The following TFDP2 variants were observed in gnomAD, a reference collection of about 807,000 sequenced individuals.
The protein encoded by TFDP2 is transcription factor Dp-2.
Under a neutral mutation model 59.3 loss-of-function variants are expected in TFDP2, and 17 were observed. The observed-to-expected ratio is 0.29, with a 90% CI of 0.20 to 0.43. TFDP2 has a LOEUF of 0.43. TFDP2 is among the 20% of genes least tolerant of loss of function. The probability of loss-of-function intolerance (pLI) is 1.00; values close to 1 mark genes in which losing one functional copy is unlikely to be tolerated. For synonymous variants in TFDP2, 180 were observed against 194.7 expected, an observed-to-expected ratio of 0.92 and a Z score of 0.63; for missense variants, 391 against 528.8, an observed-to-expected ratio of 0.74 and a Z score of 2.56.
intron 11 of TFDP2, among the ~76,000 whole-genome samples, chr3:141,958,322 A>G (rs1378834758): frequency 6.6e-6 from 1 of 152,236 alleles, no homozygotes; most frequent in Non-Finnish European, 1.5e-5. Flanking sequence ...TGTATGAATT[A>G]TATCTATATT....
chr3:142,006,809 C>G (rs566818843), intron 3 of TFDP2, among the ~76,000 whole-genome samples: 9 of 151,876 alleles, frequency 5.9e-5, no homozygotes, highest in African/African-American at 2.2e-4. Flanking sequence ...GAGAGTCTTG[C>G]TCTGTCACCC....
chr3:142,026,738 T>G (rs1309954434), intron 3 of TFDP2, among the ~76,000 whole-genome samples: 5 of 152,208 alleles, frequency 3.3e-5, no homozygotes, highest in Admixed American at 6.5e-5. Context: ...TCATTATGAA[T>G]TCCAAAAATT....
intron 1 of TFDP2, among the ~76,000 whole-genome samples, chr3:142,128,216 C>T (rs1041542912): frequency 6.6e-6 from 1 of 152,046 alleles, no homozygotes; most frequent in East Asian, 1.9e-4. Flanking sequence ...GAAAGAAAGA[C>T]AGAAAATGCC....
At chr3:141,954,084 C>T (rs749584260) in intron 11 of TFDP2, among the ~76,000 whole-genome samples, 13 of 151,812 alleles carry the variant, frequency 8.6e-5, no homozygotes, top group Non-Finnish European at 1.8e-4. Flanking sequence ...CACTTGAACC[C>T]GGGAGGCGGA....
At chr3:141,957,273 C>T (rs1032032774) in intron 11 of TFDP2, among the ~76,000 whole-genome samples, 2 of 152,140 alleles carry the variant, frequency 1.3e-5, no homozygotes, top group South Asian at 2.1e-4. Flanking sequence ...AGCCAAATTA[C>T]GTCACCGCAC....
chr3:141,978,873 T>C (rs1941107104), intron 6 of TFDP2, among the ~76,000 whole-genome samples, 191 bp from the exon 7 acceptor site: 1 of 151,896 alleles, frequency 6.6e-6, no homozygotes, highest in Non-Finnish European at 1.5e-5. Context: ...AAGTATAAAG[T>C]TAGAGTGTTT....
chr3:142,064,697 G>A (rs2060020090), intron 3 of TFDP2, among the ~76,000 whole-genome samples: 1 of 152,114 alleles, frequency 6.6e-6, no homozygotes, highest in Non-Finnish European at 1.5e-5. Flanking sequence ...ATACACAAGT[G>A]TCACTGGATG....
chr3:141,959,545 TA>T (rs1250020225), intron 11 of TFDP2, 128 bp downstream of exon 11: 2 of 982,150 alleles, frequency 2.0e-6, no homozygotes, highest in African/African-American at 3.3e-5. Flanking sequence ...CCTAAAGTGT[TA>T]AAGGTTTCAG....
At chr3:141,969,922 G>T in intron 9 of TFDP2, 151 bp downstream of exon 9, 1 of 721,678 alleles carries the variant, frequency 1.4e-6, no homozygotes, top group Non-Finnish European at 2.5e-6. Flanking sequence ...CAGAGCACGT[G>T]GATGGCAACA....
Position 141,995,883 on chromosome 3 carries a change from CAAAAAAAAAAAA to C in TFDP2, c.187-754_187-743del, listed in dbSNP as rs146557075. Among the ~76,000 whole-genome samples the C allele has an allele frequency of 1.4e-3, 98 of 67,948 alleles. 1 individual carries two copies. The highest frequency in any genetic ancestry group is 4.0e-3 in the African/African-American group (79 of 19,776). The allele number at this position is 67,948 out of a possible 152,430, so 44.6% of individuals were successfully genotyped here. On this transcript the variant is annotated intron_variant, in intron 4 of 12. Coordinates refer to ENST00000489671, the MANE Select transcript of TFDP2 (RefSeq NM_001178139.2). ...GGGCAAAAAGAGCAAAACTCCATTT[CAAAAAAAAAAAA>C]AAAAAAAAAAAAGAGTATTCATGTT...
rs1346893968 is a variant in TFDP2 at position 141,968,536 on chromosome 3, A to T, written c.732+1537T>A. On this transcript the variant is annotated intron_variant, in intron 9 of 12. Transcript: ENST00000489671. ...ATATATCTCATATATATAGATATAT[A>T]TAACATATATATATCTCATATATAT... is the stretch of plus-strand genomic sequence containing the variant. Among the ~76,000 whole-genome samples the T allele has an allele frequency of 7.4e-4, 80 of 108,476 alleles. 3 individuals are homozygous for T. Among genetic ancestry groups the T allele is most frequent in the African/African-American group, 3.5e-3 (76 of 21,930 alleles). The allele number at this position is 108,476 out of a possible 152,430, so 71.2% of individuals were successfully genotyped here.
At chr3:142,076,053 T>C (rs952264697) in intron 3 of TFDP2, among the ~76,000 whole-genome samples, 3 of 150,634 alleles carry the variant, frequency 2.0e-5, no homozygotes, top group Non-Finnish European at 4.4e-5. Context: ...TTTACTAAAA[T>C]ACCAAAAATT....
rs1942090075 is a variant in TFDP2 at position 141,986,286 on chromosome 3, T to C, written c.356+7252A>G. On this transcript the variant is annotated intron_variant, in intron 6 of 12. Transcript: ENST00000489671. ...CTGAGTTTTTAAATGCAAATTTTCATTGACGTACATAACACATAAAGAAAA... is the reference window on the plus strand; with the variant it reads ...CTGAGTTTTTAAATGCAAATTTTCACTGACGTACATAACACATAAAGAAAA... 2.0e-5 allele frequency among the ~76,000 whole-genome samples: 3 copies of C among 152,236 alleles called. No homozygotes were observed. The South Asian group carries it at 6.2e-4, about 31-fold the overall frequency.
chr3:142,027,721 T>C (rs1395724929), intron 3 of TFDP2, among the ~76,000 whole-genome samples: 1 of 152,196 alleles, frequency 6.6e-6, no homozygotes, highest in East Asian at 1.9e-4. Flanking sequence ...AAGGGTATAA[T>C]TGAAATGATC....
chr3:142,117,276 C>T (rs1453577026), intron 1 of TFDP2, among the ~76,000 whole-genome samples: 1 of 152,110 alleles, frequency 6.6e-6, no homozygotes, highest in Admixed American at 6.6e-5. Flanking sequence ...TAATCTGACT[C>T]CAATTCTCCT....
At chr3:141,981,540 T>C (rs1452267531) in intron 6 of TFDP2, among the ~76,000 whole-genome samples, 2 of 152,218 alleles carry the variant, frequency 1.3e-5, no homozygotes, top group Admixed American at 6.5e-5. Context: ...TTCCCTACAT[T>C]CCCAAAGAGT....
At chr3:142,029,050 C>T (rs1001434815) in intron 3 of TFDP2, 1 of 152,580 alleles carries the variant, frequency 6.6e-6, no homozygotes, top group African/African-American at 2.4e-5. Context: ...ACTCGTGAAA[C>T]CTGCATAATT....
chr3:142,040,319 G>A (rs950357586), intron 3 of TFDP2, among the ~76,000 whole-genome samples: 5 of 152,136 alleles, frequency 3.3e-5, no homozygotes, highest in Non-Finnish European at 7.4e-5. Flanking sequence ...TATGGTAGGC[G>A]CAGTGGCTTC....
intron 5 of TFDP2, 120 bp from the exon 6 acceptor site, chr3:141,993,705 G>A (rs2108186715): frequency 2.0e-6 from 1 of 498,212 alleles, no homozygotes; most frequent in Non-Finnish European, 3.5e-6. Flanking sequence ...ACTAAAACTA[G>A]CAAATACAAA....
Sources: allele counts gnomAD v4.1 joint callset (sites outside exome capture counted in the v4.1 genomes callset), GRCh38; gene constraint gnomAD v4.1.1; transcripts MANE v1.5; gene names NCBI Gene and HGNC (gene_info 2026-07-23, HGNC 2026-07-21).